Variants in LAMA4 observed in about 807,000 individuals in gnomAD.
LAMA4 encodes laminin subunit alpha 4.
In LAMA4, 127 loss-of-function variants were observed where a neutral mutation model predicts 207.1. That is an observed-to-expected ratio of 0.61 (90% confidence interval 0.53 to 0.71). LAMA4 has a LOEUF of 0.71. Ranked by LOEUF, LAMA4 falls within the 30% of genes least tolerant of loss-of-function variation. The pLI is 0.00. For missense variants in LAMA4, 2,093 were observed against 2,246.5 expected, an observed-to-expected ratio of 0.93 and a Z score of 1.38; for synonymous variants, 761 against 816.0, an observed-to-expected ratio of 0.93 and a Z score of 1.15.
upstream of LAMA4, chr6:112,254,960 T>C (rs1269202697): frequency 1.3e-5 from 2 of 152,260 alleles, no homozygotes; most frequent in Non-Finnish European, 2.9e-5. Context: ...TTTGTGCTAA[T>C]ATCTTCTCTT....
At chr6:112,151,401 T>C (rs1554335727) in intron 16 of LAMA4, among the ~76,000 whole-genome samples, 1 of 152,194 alleles carries the variant, frequency 6.6e-6, no homozygotes, top group East Asian at 1.9e-4. Flanking sequence ...CATTTCCATA[T>C]AAATTCTAGA....
At chr6:112,226,657 A>T (rs1485183876) in intron 2 of LAMA4, among the ~76,000 whole-genome samples, 1 of 152,236 alleles carries the variant, frequency 6.6e-6, no homozygotes, top group Non-Finnish European at 1.5e-5. Flanking sequence ...CACCTATCAT[A>T]GTCATTCGCA....
chr6:112,184,095 C>T (rs1348933122), intron 9 of LAMA4, among the ~76,000 whole-genome samples: 5 of 152,048 alleles, frequency 3.3e-5, no homozygotes, highest in Non-Finnish European at 7.3e-5. Context: ...TTTCACTGCT[C>T]TTCAAGCACT....
chr6:112,143,016 C>A (rs1188916642), intron 19 of LAMA4, among the ~76,000 whole-genome samples: 1 of 152,154 alleles, frequency 6.6e-6, no homozygotes, highest in Non-Finnish European at 1.5e-5. Context: ...GGCATCACAA[C>A]AAAGCACAAT....
chr6:112,170,258 G>A (rs1037008478), intron 12 of LAMA4, among the ~76,000 whole-genome samples: 2 of 152,168 alleles, frequency 1.3e-5, no homozygotes, highest in Non-Finnish European at 2.9e-5. Context: ...CTGTGGCTAA[G>A]GGCACAGCTG....
chr6:112,146,000 C>T lies in LAMA4; in HGVS notation c.2354-1067G>A, dbSNP rs1395122224. Among the ~76,000 whole-genome samples the T allele has an allele frequency of 3.3e-5, 5 of 152,126 alleles. No individual in the cohort carries two copies. In the East Asian group the frequency reaches 7.7e-4, roughly 24 times the overall value. On this transcript the variant is annotated intron_variant, in intron 18 of 38. Coordinates refer to ENST00000230538, the MANE Select transcript of LAMA4 (RefSeq NM_001105206.3). The stretch of plus-strand genomic sequence containing the variant: ...TATGTTTTCTAAACATAGAAAAGAG[C>T]GCAAGTCAGATGGGCTTGATGGCTC...
At chr6:112,186,838 T>A (rs956376307) in intron 8 of LAMA4, 2 of 455,076 alleles carry the variant, frequency 4.4e-6, no homozygotes, top group South Asian at 3.1e-5. Flanking sequence ...GAGGGCCAAC[T>A]GTATTACTGT....
intron 9 of LAMA4, chr6:112,178,651 C>T (rs187465065): frequency 8.8e-5 from 19 of 216,848 alleles, no homozygotes; most frequent in African/African-American, 3.3e-4. Flanking sequence ...TTAGCTCCCA[C>T]GTATCAGTTA....
In LAMA4 at chr6:112,187,445, C is replaced by A; in HGVS notation, c.966+5G>T. The A allele has an allele frequency of 6.2e-7, 1 of 1,614,036 alleles. No homozygotes were observed. Among genetic ancestry groups the A allele is most frequent in the Non-Finnish European group, 8.5e-7 (1 of 1,179,966 alleles). On this transcript the variant is annotated splice_donor_5th_base_variant and intron_variant, in intron 8 of 38. Transcript: ENST00000230538. ...CAGAGTGGAAAGTAGAACATTCCTG[C>A]GTACTTTGAGGAGGTAGATGGTGGC...
At chr6:112,131,804 T>C (rs1779050652) in intron 28 of LAMA4, among the ~76,000 whole-genome samples, 1 of 152,150 alleles carries the variant, frequency 6.6e-6, no homozygotes, top group Non-Finnish European at 1.5e-5. Flanking sequence ...ATGTGTCAGA[T>C]GCAGGTAATA....
intron 12 of LAMA4, among the ~76,000 whole-genome samples, chr6:112,168,754 A>G (rs1427860943): frequency 6.6e-6 from 1 of 152,044 alleles, no homozygotes; most frequent in Non-Finnish European, 1.5e-5. Flanking sequence ...GTGTATGTGC[A>G]TGTGTGTCTG....
chr6:112,241,305 C>T (rs986478017), intron 2 of LAMA4, among the ~76,000 whole-genome samples: 17 of 150,484 alleles, frequency 1.1e-4, no homozygotes, highest in African/African-American at 3.9e-4. Flanking sequence ...GGGAAGGACT[C>T]CCCATTGTTA....
At chr6:112,221,214 T>C (rs886740298) in intron 2 of LAMA4, among the ~76,000 whole-genome samples, 5 of 152,134 alleles carry the variant, frequency 3.3e-5, no homozygotes, top group Admixed American at 3.3e-4. Context: ...CAGCGAATGA[T>C]GAAGAATTAA....
chr6:112,121,646 C>T (rs1583644206), intron 32 of LAMA4: 1 of 294,816 alleles, frequency 3.4e-6, no homozygotes, highest in East Asian at 8.6e-5. Context: ...AACCTTTTAG[C>T]AGTTCAAATG....
At chr6:112,156,140 G>A (rs915924968) in intron 14 of LAMA4, among the ~76,000 whole-genome samples, 2 of 152,126 alleles carry the variant, frequency 1.3e-5, no homozygotes, top group Non-Finnish European at 2.9e-5. Flanking sequence ...GTATTGTCAA[G>A]GTTTGTTTCA....
intron 3 of LAMA4, among the ~76,000 whole-genome samples, chr6:112,211,583 C>T (rs1784357509): frequency 6.6e-6 from 1 of 152,108 alleles, no homozygotes; most frequent in Admixed American, 6.6e-5. Context: ...TGTGTGAAGG[C>T]TATGTCTGAG....
intron 9 of LAMA4, chr6:112,178,512 T>C (rs1554344551): frequency 2.4e-6 from 1 of 412,832 alleles, no homozygotes; most frequent in Non-Finnish European, 4.5e-6. Flanking sequence ...TGTTAGACTT[T>C]GGTGCACCCA....
At chr6:112,205,426 T>C (rs1304228857) in intron 4 of LAMA4, among the ~76,000 whole-genome samples, 2 of 152,094 alleles carry the variant, frequency 1.3e-5, no homozygotes, top group African/African-American at 4.8e-5. Flanking sequence ...AGCCAAGATC[T>C]GAACCCAGGC....
intron 4 of LAMA4, among the ~76,000 whole-genome samples, chr6:112,203,537 A>T (rs1783880061): frequency 1.3e-5 from 2 of 152,230 alleles, no homozygotes; most frequent in African/African-American, 4.8e-5. Context: ...ATTTGAGATT[A>T]GCTAACTAAG....
Sources: allele counts gnomAD v4.1 joint callset (sites outside exome capture counted in the v4.1 genomes callset), GRCh38; gene constraint gnomAD v4.1.1; transcripts MANE v1.5; gene names NCBI Gene and HGNC (gene_info 2026-07-23, HGNC 2026-07-21).